Variants in YBEY observed in about 807,000 individuals in gnomAD.
YBEY encodes the protein ybeY metalloendoribonuclease.
In YBEY, 15 loss-of-function variants were observed where a neutral mutation model predicts 13.5. That is an observed-to-expected ratio of 1.11 (90% CI 0.75 to 1.72). The LOEUF (loss-of-function observed/expected upper bound fraction) is 1.72, where lower values mean the gene tolerates loss of function less well. YBEY is among the 40% of genes most tolerant of loss of function. The probability of loss-of-function intolerance (pLI) is 0.00; values close to 1 mark genes in which losing one functional copy is unlikely to be tolerated. For missense variants in YBEY, 244 were observed against 208.4 expected (o/e 1.17, Z -1.05); for synonymous variants, 101 against 83.1 (o/e 1.21, Z -1.17).
the YBEY span, among the ~76,000 whole-genome samples, chr21:46,308,904 C>T: frequency 2.6e-5 from 4 of 152,322 alleles, no homozygotes; most frequent in East Asian, 7.7e-4. Flanking sequence ...CCCCTTGCCA[C>T]GTGATGCCTC....
At chr21:46,296,086 G>A (rs2081942745) in intron 3 of YBEY, 76 bp from the exon 4 acceptor site, 1 of 1,544,630 alleles carries the variant, frequency 6.5e-7, no homozygotes, top group South Asian at 1.1e-5. Context: ...AGAGCAGCCT[G>A]TGGCCCTGGG....
chr21:46,291,931 C>A, intron 3 of YBEY: 1 of 732,376 alleles, frequency 1.4e-6, no homozygotes, highest in Non-Finnish European at 1.7e-6. Flanking sequence ...ACAGAGCTAG[C>A]CAAGCAGAAA....
the YBEY span, among the ~76,000 whole-genome samples, chr21:46,309,326 G>C: frequency 1.3e-5 from 2 of 152,092 alleles, no homozygotes; most frequent in African/African-American, 4.8e-5. Flanking sequence ...GCCAGGCATG[G>C]TGGCAGGCGC....
the YBEY span, among the ~76,000 whole-genome samples, chr21:46,305,500 T>C: frequency 6.6e-6 from 1 of 151,938 alleles, no homozygotes; most frequent in East Asian, 1.9e-4. Context: ...CAACTAATTT[T>C]GATATGTTTT....
chr21:46,290,902 G>A (rs13050736), intron 2 of YBEY, among the ~76,000 whole-genome samples: 61,044 of 150,672 alleles, frequency 0.41, 12,859 homozygotes, highest in Admixed American at 0.48. Flanking sequence ...AAAATTAGCC[G>A]GGCGTGGTGG....
chr21:46,311,400 T>G, the YBEY span: 50 of 1,049,070 alleles, frequency 4.8e-5, no homozygotes, highest in South Asian at 6.5e-4. Context: ...AGGAACATTT[T>G]CCCTTTCAGT....
chr21:46,300,547 G>C, downstream of YBEY: 2 of 740,850 alleles, frequency 2.7e-6, no homozygotes, highest in Non-Finnish European at 1.8e-6. Flanking sequence ...AGAGTCTCTG[G>C]AATCACCTTC....
chr21:46,292,521 T>C (rs554206336), intron 3 of YBEY, among the ~76,000 whole-genome samples: 4,720 of 144,732 alleles, frequency 0.033, 192 homozygotes, highest in Admixed American at 0.061. Context: ...CGTGGTTAGC[T>C]TGGCCTGTGC....
chr21:46,309,248 G>A, the YBEY span, among the ~76,000 whole-genome samples: 1 of 152,052 alleles, frequency 6.6e-6, no homozygotes, highest in African/African-American at 2.4e-5. Flanking sequence ...ATCATCTGAG[G>A]TCAGGAATTT....
chr21:46,310,843 T>A, the YBEY span, among the ~76,000 whole-genome samples: 1 of 151,310 alleles, frequency 6.6e-6, no homozygotes, highest in Non-Finnish European at 1.5e-5. Flanking sequence ...AAATAAATTT[T>A]AAAAATCAAG....
chr21:46,294,659 C>T (rs1433448960), intron 3 of YBEY, among the ~76,000 whole-genome samples: 7 of 119,062 alleles, frequency 5.9e-5, no homozygotes, highest in South Asian at 2.8e-4. Flanking sequence ...ATTCCTCCCG[C>T]GGTTAGCCTG....
At chr21:46,306,069 C>CAA in the YBEY span, among the ~76,000 whole-genome samples, 2 of 122,446 alleles carry the variant, frequency 1.6e-5, no homozygotes, top group South Asian at 2.6e-4. Flanking sequence ...CACTGTGACT[C>CAA]AAAAAAAAAA....
At chr21:46,303,712 T>C in the YBEY span, among the ~76,000 whole-genome samples, 2 of 34,408 alleles carry the variant, frequency 5.8e-5, no homozygotes, top group African/African-American at 2.9e-4. Context: ...ACACAAAATA[T>C]ATATATATAT....
At chr21:46,288,443 C>T (rs943032596) in intron 2 of YBEY, among the ~76,000 whole-genome samples, 19 of 151,534 alleles carry the variant, frequency 1.3e-4, no homozygotes, top group Admixed American at 5.9e-4. Context: ...TTTGGGAGGC[C>T]GAGGTGGGTG....
rs1298276367 is a variant in YBEY at position 46,286,414 on chromosome 21, CG to C, written c.-45+1del. The C allele has an allele frequency of 6.4e-6, 1 of 156,778 alleles. No homozygotes were observed. Among genetic ancestry groups the C allele is most frequent in the Non-Finnish European group, 1.4e-5 (1 of 70,966 alleles). 9.7% of individuals were successfully genotyped at this position (156,778 alleles called of 1,614,324 possible). On this transcript the variant is annotated splice_region_variant and 5_prime_UTR_variant, in exon 1 of 5. Coordinates refer to ENST00000397701, the MANE Select transcript of YBEY (RefSeq NM_001314025.2). Reference sequence around the variant, plus strand: ...CGCGTCCTTTGCTGGGTCCAGACACCGGTACGTCCGGGCGGGTTTTTAGTCT... The same window carrying C: ...CGCGTCCTTTGCTGGGTCCAGACACCGTACGTCCGGGCGGGTTTTTAGTCT...
At chr21:46,291,580 G>A (rs780372454) in intron 3 of YBEY, 118 bp downstream of exon 3, 1 of 1,515,910 alleles carries the variant, frequency 6.6e-7, no homozygotes, top group Non-Finnish European at 8.8e-7. Context: ...GCTACTGGGG[G>A]AAGAACCTGT....
chr21:46,294,390 C>G (rs1213483790), intron 3 of YBEY, among the ~76,000 whole-genome samples: 120 of 73,558 alleles, frequency 1.6e-3, no homozygotes, highest in South Asian at 1.7e-3. Context: ...GCCCGGGACT[C>G]AGTGGGGACA....
the YBEY span, among the ~76,000 whole-genome samples, chr21:46,310,507 AAAC>A: frequency 4.8e-5 from 7 of 145,644 alleles, no homozygotes; most frequent in African/African-American, 1.5e-4. Flanking sequence ...TAAAAAAAAA[AAAC>A]AAAACTTGTC....
chr21:46,310,294 T>C, the YBEY span, among the ~76,000 whole-genome samples: 91 of 151,744 alleles, frequency 6.0e-4, no homozygotes, highest in African/African-American at 2.1e-3. Flanking sequence ...CTGGCCAACA[T>C]AGTGAAACCC....
Sources: gnomAD v4.1 joint callset for allele counts (sites outside exome capture counted in the v4.1 genomes callset) on GRCh38, gnomAD v4.1.1 for gene constraint, MANE v1.5 for transcripts, NCBI Gene and HGNC (gene_info 2026-07-23, HGNC 2026-07-21) for gene names.